The following NOXA1 variants were observed in gnomAD, a reference collection of about 807,000 sequenced individuals.
NOXA1 encodes the protein NCF2-like protein.
Under a neutral mutation model 64.8 loss-of-function variants are expected in NOXA1, and 56 were observed. The observed-to-expected ratio is 0.86, with a 90% confidence interval of 0.70 to 1.08. The LOEUF (loss-of-function observed/expected upper bound fraction) is 1.08. Ranked by LOEUF, NOXA1 falls within the 50% of genes least tolerant of loss-of-function variation. The pLI, the probability that NOXA1 is intolerant of heterozygous loss-of-function variation, is 0.00. For synonymous variants in NOXA1, 295 were observed against 294.8 expected (o/e 1.00, Z -0.01); for missense variants, 668 against 658.5 (o/e 1.01, Z -0.16).
At chr9:137,429,778 C>A (rs1469727048) in intron 5 of NOXA1, among the ~76,000 whole-genome samples, 1 of 105,548 alleles carries the variant, frequency 9.5e-6, no homozygotes, top group Non-Finnish European at 2.0e-5. Context: ...CCGGGGGGGT[C>A]CCTGCGTCCC....
intron 8 of NOXA1, among the ~76,000 whole-genome samples, chr9:137,432,495 G>T (rs2131892364): frequency 6.6e-6 from 1 of 152,286 alleles, no homozygotes; most frequent in Non-Finnish European, 1.5e-5. Context: ...CAGGAGAATG[G>T]CGTGAACCCA....
Position 137,429,032 on chromosome 9 carries a change from C to A in NOXA1, c.504+16C>A. 1 of 1,532,492 alleles carries A rather than the reference C, an allele frequency of 6.5e-7. No individual in the cohort carries two copies. The highest frequency in any genetic ancestry group is 1.3e-5 in the South Asian group (1 of 79,148). 94.9% of individuals were successfully genotyped at this position (1,532,492 alleles called of 1,614,324 possible). ...CCAAGTGCAGGTGAGGAGTGCCAGC[C>A]CGGTCATGGTTTTGGGCTGGTGCCT... On this transcript the variant is annotated intron_variant, in intron 4 of 13. Coordinates refer to ENST00000683555, the MANE Select transcript of NOXA1 (RefSeq NM_001256067.2).
At chr9:137,432,279 C>CA (rs35916187) in intron 8 of NOXA1, among the ~76,000 whole-genome samples, 3,321 of 101,990 alleles carry the variant, frequency 0.033, 113 homozygotes, top group African/African-American at 0.072. Flanking sequence ...GACCCTGTCT[C>CA]AAAAAAAAAA....
chr9:137,434,018 C>T lies in NOXA1; in HGVS notation c.1233C>T (p.Ser411=), dbSNP rs528619859. 4.0e-5 allele frequency: 62 copies of T among 1,568,352 alleles called. No individual in the cohort carries two copies. In the African/African-American group the frequency reaches 6.1e-4, roughly 15 times the overall value. The part of the protein sequence containing the change: ...LYQVVAQHSY[S]AQGPEDLGFR... ...AGGTGGTGGCCCAGCACAGCTACTC[C>T]GCCCAGGGGCCAGAGGACCTGGGCT... The change falls in exon 13 of 14, where the codon TCC becomes TCT. Residue 411 remains serine, a synonymous_variant. Transcript: ENST00000683555.
In NOXA1 at chr9:137,434,349, G is replaced by A. The variant is rs775113816; in HGVS notation, c.1420G>A (p.Asp474Asn). 1.3e-6 allele frequency: 2 copies of A among 1,599,146 alleles called. No homozygotes were observed. The highest frequency in any genetic ancestry group is 8.5e-7 in the Non-Finnish European group (1 of 1,173,768). Residue 474 changes from aspartate to asparagine, a missense_variant, in exon 14 of 14, where the codon GAT (aspartate) becomes AAT (asparagine). By Grantham distance (23) the Asp-to-Asn change is conservative. Transcript: ENST00000683555. ...CCGCCTGCCCCGATCCCAGCAGGGAGATCAGCCCTAATGATGCTGTGTCCA... is the reference window on the plus strand; with the variant it reads ...CCGCCTGCCCCGATCCCAGCAGGGAAATCAGCCCTAATGATGCTGTGTCCA... ...PGRLPRSQQG[D>N]QP is the part of the protein sequence containing the mutation.
chr9:137,432,278 T>TAAAA (rs1410283327), intron 8 of NOXA1, among the ~76,000 whole-genome samples: 32,645 of 108,888 alleles, frequency 0.3, 4,370 homozygotes, highest in East Asian at 0.6. Flanking sequence ...AGACCCTGTC[T>TAAAA]CAAAAAAAAA....
intron 5 of NOXA1, among the ~76,000 whole-genome samples, chr9:137,429,585 C>G (rs1037034159): frequency 1.3e-5 from 2 of 152,166 alleles, no homozygotes; most frequent in Non-Finnish European, 1.5e-5. Flanking sequence ...GCAGAGCCCA[C>G]TAGAGCCGGC....
rs550556847 is a variant in NOXA1, at chr9:137,429,993, C to T, written c.612+610C>T. 2.5e-4 allele frequency among the ~76,000 whole-genome samples: 32 copies of T among 126,926 alleles called. 1 individual carries two copies. The highest frequency in any genetic ancestry group is 9.9e-4 in the African/African-American group (31 of 31,206). The allele number at this position is 126,926 out of a possible 152,430, so 83.3% of individuals were successfully genotyped here. Reference sequence around the variant, plus strand: ...GAGGTCCCAGGGGGGTGCCTGTGTCCCTGCCACAGGTAGCGAGGTCCCGGG... The same window carrying T: ...GAGGTCCCAGGGGGGTGCCTGTGTCTCTGCCACAGGTAGCGAGGTCCCGGG... On this transcript the variant is annotated intron_variant, in intron 5 of 13. Transcript: ENST00000683555.
rs200472324 is a variant in NOXA1, at chr9:137,433,104, G to A, written c.850+30G>A. The A allele has an allele frequency of 2.0e-5, 32 of 1,612,356 alleles. No individual in the cohort carries two copies. In the East Asian group the frequency reaches 3.3e-4, roughly 17 times the overall value. ...GGGCGTCCTCAGCGGCGGGGTCCCC[G>A]GGTGAAGGAGGAAGCTGCTGGTGCA... On this transcript the variant is annotated intron_variant, in intron 9 of 13. Transcript: ENST00000683555.
chr9:137,426,397 ACCT>A (rs1838848921), intron 2 of NOXA1, 67 bp downstream of exon 2: 72 of 1,288,552 alleles, frequency 5.6e-5, no homozygotes, highest in Non-Finnish European at 7.6e-5. Context: ...CCACTCCTGC[ACCT>A]CCTCCTCCTC....
chr9:137,430,822 C>A lies in NOXA1; in HGVS notation c.651C>A (p.Gly217=), dbSNP rs377319607. 3 of 1,590,420 alleles carry A rather than the reference C, an allele frequency of 1.9e-6. No individual in the cohort carries two copies. Among genetic ancestry groups the A allele is most frequent in the Non-Finnish European group, 2.6e-6 (3 of 1,172,406 alleles). The change falls in exon 6 of 14, where the codon GGC becomes GGA. Residue 217 remains glycine, a synonymous_variant. Coordinates refer to ENST00000683555, the MANE Select transcript of NOXA1 (RefSeq NM_001256067.2). ...CCATCCCCGACGACCAGGGCTGGGGCGTCCGCCCTCAGCAGCCACAGGTGG... is the reference window on the plus strand; with the variant it reads ...CCATCCCCGACGACCAGGGCTGGGGAGTCCGCCCTCAGCAGCCACAGGTGG... ...ASAIPDDQGW[G]VRPQQPQGPG...
rs142557036 is a variant in NOXA1 at position 137,431,764 on chromosome 9, G to A, written c.804+423G>A. On this transcript the variant is annotated intron_variant, in intron 8 of 13. Coordinates refer to ENST00000683555, the MANE Select transcript of NOXA1 (RefSeq NM_001256067.2). This position sits in a 1 kb window ranked among gnomAD's most constrained non-coding sequence, Gnocchi z 5.6. ...GGGCCCAGCAGCGACTCCATCCCCC[G>A]AGTCCTCCCGGACACCCCGGCACCT... 2.6e-3 allele frequency among the ~76,000 whole-genome samples: 394 copies of A among 152,248 alleles called. 2 individuals are homozygous for A. The highest frequency in any genetic ancestry group is 9.3e-3 in the African/African-American group (388 of 41,538).
At chr9:137,427,301 G>A (rs1336146751) in intron 2 of NOXA1, among the ~76,000 whole-genome samples, 1 of 152,162 alleles carries the variant, frequency 6.6e-6, no homozygotes, top group Non-Finnish European at 1.5e-5. Flanking sequence ...AGACGTAGGT[G>A]CGTAGACTCT....
intron 13 of NOXA1, 40 bp from the exon 14 acceptor site, chr9:137,434,184 C>A: frequency 6.3e-7 from 1 of 1,589,102 alleles, no homozygotes; most frequent in South Asian, 1.1e-5. Flanking sequence ...AGAGGCCACG[C>A]CTGGGTAACG....
rs559572913 is a variant in NOXA1, at chr9:137,429,784, G to A, written c.612+401G>A. 9.6e-4 allele frequency among the ~76,000 whole-genome samples: 120 copies of A among 125,068 alleles called. 1 individual carries two copies. The Middle Eastern group carries it at 0.037, about 38-fold the overall frequency. 82.0% of individuals were successfully genotyped at this position (125,068 alleles called of 152,430 possible). ...AGCGAGGTCCCGGGGGGGTCCCTGC[G>A]TCCCTGCCACAGATAGCGAGGTCCC... On this transcript the variant is annotated intron_variant, in intron 5 of 13. Coordinates refer to ENST00000683555, the MANE Select transcript of NOXA1 (RefSeq NM_001256067.2).
At chr9:137,433,352 C>G (rs536348288) in intron 10 of NOXA1, 89 bp downstream of exon 10, 1 of 1,489,276 alleles carries the variant, frequency 6.7e-7, no homozygotes, top group South Asian at 1.3e-5. Context: ...TGCAAGCCCC[C>G]CTCACCTGCC....
intron 4 of NOXA1, 71 bp downstream of exon 4, chr9:137,429,087 G>T: frequency 6.9e-7 from 1 of 1,455,956 alleles, no homozygotes; most frequent in East Asian, 2.5e-5. Flanking sequence ...AATTTCATGA[G>T]ATGAAGAAGC....
chr9:137,429,241 C>T (rs866454324), intron 4 of NOXA1, 35 bp from the exon 5 acceptor site: 3 of 1,467,106 alleles, frequency 2.0e-6, no homozygotes, highest in Middle Eastern at 4.1e-4. Context: ...GGTTGGTCAC[C>T]CCGTCTGCAT....
chr9:137,428,272 C>A, intron 3 of NOXA1, 131 bp downstream of exon 3: 1 of 652,368 alleles, frequency 1.5e-6, no homozygotes, highest in Non-Finnish European at 2.6e-6. Context: ...ATACCCTGGC[C>A]ACTCCTTGAC....
Sources: gnomAD v4.1 joint callset for allele counts (sites outside exome capture counted in the v4.1 genomes callset) on GRCh38, gnomAD v4.1.1 for gene constraint, Gnocchi (gnomAD v3.1) non-coding constraint, MANE v1.5 for transcripts, NCBI Gene and HGNC (gene_info 2026-07-23, HGNC 2026-07-21) for gene names.